Variants in RNF180 observed in about 807,000 individuals in gnomAD.
RNF180 encodes the protein ring finger protein 180.
In RNF180, 38 loss-of-function variants were observed where a neutral mutation model predicts 59.2. The ratio of observed to expected loss-of-function variants is 0.64; its 90% CI spans 0.50 to 0.84. RNF180 has a LOEUF of 0.84. Among genes scored for constraint, RNF180 ranks in the 40% least tolerant of loss-of-function variants. RNF180 has a pLI of 0.00. For synonymous variants in RNF180, 262 were observed against 240.3 expected (o/e 1.09, Z -0.84); for missense variants, 705 against 700.9 (o/e 1.01, Z -0.07).
chr5:64,187,307 GTTGT>G (rs1242795458), intron 1 of RNF180, among the ~76,000 whole-genome samples: 1 of 152,148 alleles, frequency 6.6e-6, no homozygotes, highest in Non-Finnish European at 1.5e-5. Flanking sequence ...TGTCATTAAG[GTTGT>G]TTATTATGCA....
chr5:64,286,728 T>C (rs899727974), intron 5 of RNF180, among the ~76,000 whole-genome samples: 5 of 152,306 alleles, frequency 3.3e-5, no homozygotes, highest in Non-Finnish European at 5.9e-5. Flanking sequence ...ACAATCCAGT[T>C]AAGGTATTAA....
At chr5:64,331,941 G>A (rs929758151) in intron 7 of RNF180, among the ~76,000 whole-genome samples, 10 of 151,914 alleles carry the variant, frequency 6.6e-5, no homozygotes, top group Non-Finnish European at 1.3e-4. Flanking sequence ...AGCAGAAGCC[G>A]CATGAAGTAT....
At chr5:64,243,998 G>A (rs540083156) in intron 5 of RNF180, among the ~76,000 whole-genome samples, 7 of 152,276 alleles carry the variant, frequency 4.6e-5, no homozygotes, top group African/African-American at 1.7e-4. Flanking sequence ...CAGCAGAGGG[G>A]CCTGACTGTT....
intron 5 of RNF180, among the ~76,000 whole-genome samples, chr5:64,242,220 C>G (rs1742849653): frequency 6.6e-6 from 1 of 152,330 alleles, no homozygotes; most frequent in East Asian, 1.9e-4. Flanking sequence ...GCTTCTGGCA[C>G]CCCAGCACCA....
At chr5:64,263,445 C>G (rs1313009039) in intron 5 of RNF180, among the ~76,000 whole-genome samples, 1 of 152,020 alleles carries the variant, frequency 6.6e-6, no homozygotes, top group Non-Finnish European at 1.5e-5. Context: ...CTAGCACATC[C>G]CTAGATAAAA....
chr5:64,245,921 C>T (rs1214930356), intron 5 of RNF180, among the ~76,000 whole-genome samples: 3 of 152,320 alleles, frequency 2.0e-5, no homozygotes, highest in African/African-American at 7.2e-5. Flanking sequence ...AACAGTCTCT[C>T]AGATGACAGT....
At chr5:64,348,606 AT>A (rs1408869969) in intron 7 of RNF180, among the ~76,000 whole-genome samples, 7 of 151,894 alleles carry the variant, frequency 4.6e-5, no homozygotes, top group East Asian at 1.9e-4. Context: ...AGCAATAGCG[AT>A]TTTTTTTAAT....
At chr5:64,238,767 C>T (rs941779255) in intron 5 of RNF180, among the ~76,000 whole-genome samples, 2 of 152,092 alleles carry the variant, frequency 1.3e-5, no homozygotes, top group Non-Finnish European at 2.9e-5. Flanking sequence ...CAAATATGTT[C>T]TCCCTTTCTA....
intron 5 of RNF180, among the ~76,000 whole-genome samples, chr5:64,225,289 C>T (rs1190574797): frequency 1.3e-5 from 2 of 152,212 alleles, no homozygotes; most frequent in Non-Finnish European, 2.9e-5. Flanking sequence ...CACATTTGGC[C>T]CGGCCGCCCC....
chr5:64,362,337 T>G (rs1293693443), intron 7 of RNF180, among the ~76,000 whole-genome samples: 3 of 151,840 alleles, frequency 2.0e-5, no homozygotes, highest in Non-Finnish European at 4.4e-5. Context: ...GAACATGTGG[T>G]ATTTGGTTTT....
At chr5:64,195,132 T>A (rs1367886148) in intron 1 of RNF180, among the ~76,000 whole-genome samples, 1 of 152,132 alleles carries the variant, frequency 6.6e-6, no homozygotes, top group Non-Finnish European at 1.5e-5. Flanking sequence ...TAGTACAGTT[T>A]CTCCTTCAAA....
At chr5:64,210,074 CAG>C (rs1752226506) in intron 2 of RNF180, among the ~76,000 whole-genome samples, 1 of 152,028 alleles carries the variant, frequency 6.6e-6, no homozygotes, top group Non-Finnish European at 1.5e-5. Flanking sequence ...AGGCAGATGA[CAG>C]AAGCACACAA....
In RNF180 at chr5:64,369,493, A is replaced by G. The variant is rs62369392; in HGVS notation, c.1580-122A>G. On this transcript the variant is annotated intron_variant, in intron 7 of 7. Coordinates refer to ENST00000389100, the MANE Select transcript of RNF180 (RefSeq NM_001113561.2). ...AAAAAAAAAGAAAAAACTGTCAGGA[A>G]TACAACATAACTCCGCTCAGTGAAA... The G allele has an allele frequency of 1.7e-4, 91 of 531,842 alleles. 1 individual carries two copies. Among genetic ancestry groups the G allele is most frequent in the Admixed American group, 7.7e-4 (20 of 25,954 alleles). 32.9% of individuals were successfully genotyped at this position (531,842 alleles called of 1,614,324 possible).
intron 5 of RNF180, among the ~76,000 whole-genome samples, chr5:64,281,713 G>T (rs1742020068): frequency 6.6e-6 from 1 of 152,142 alleles, no homozygotes; most frequent in African/African-American, 2.4e-5. Flanking sequence ...GGCCAGGCTG[G>T]TCTCGAACTC....
intron 5 of RNF180, among the ~76,000 whole-genome samples, chr5:64,309,458 C>T (rs1197523268): frequency 6.6e-6 from 1 of 151,416 alleles, no homozygotes; most frequent in Admixed American, 6.6e-5. Context: ...ATTTTCTTTC[C>T]CGTTTCTTCC....
chr5:64,334,595 C>A (rs997199682), intron 7 of RNF180, among the ~76,000 whole-genome samples: 3 of 152,126 alleles, frequency 2.0e-5, no homozygotes. Flanking sequence ...TTTATCATTT[C>A]TTTGTATAAG....
intron 1 of RNF180, among the ~76,000 whole-genome samples, chr5:64,173,015 G>A (rs961636338): frequency 2.7e-4 from 41 of 152,110 alleles, no homozygotes; most frequent in Non-Finnish European, 1.6e-4. Context: ...AATTATCCTG[G>A]TAATGACTCT....
At chr5:64,336,345 T>C (rs549386656) in intron 7 of RNF180, among the ~76,000 whole-genome samples, 251 of 152,340 alleles carry the variant, frequency 1.6e-3, no homozygotes, top group Middle Eastern at 3.4e-3. Context: ...CTGTGACTTC[T>C]AATTAATGCT....
intron 1 of RNF180, among the ~76,000 whole-genome samples, chr5:64,191,149 C>G (rs1201390712): frequency 6.6e-6 from 1 of 152,098 alleles, no homozygotes; most frequent in African/African-American, 2.4e-5. Flanking sequence ...TTAGAGCAGT[C>G]TGTTTATAGA....
Sources: allele counts gnomAD v4.1 joint callset (sites outside exome capture counted in the v4.1 genomes callset), GRCh38; gene constraint gnomAD v4.1.1; transcripts MANE v1.5; gene names NCBI Gene and HGNC (gene_info 2026-07-23, HGNC 2026-07-21).